The following IFI27L1 variants were observed in gnomAD, a reference collection of about 807,000 sequenced individuals.
The protein encoded by IFI27L1 is interferon alpha inducible protein 27 like 1, also known as interferon alpha-inducible protein 27-like protein 1.
In IFI27L1, 3 loss-of-function variants were observed where a neutral mutation model predicts 9.2. The observed-to-expected ratio is 0.32, with a 90% CI of 0.15 to 0.84. IFI27L1 has a LOEUF of 0.84. IFI27L1 is among the 40% of genes least tolerant of loss of function. The pLI, the probability that IFI27L1 is intolerant of heterozygous loss-of-function variation, is 0.56. For synonymous variants in IFI27L1, 53 were observed against 50.0 expected (o/e 1.06, Z -0.26); for missense variants, 133 against 134.2 (o/e 0.99, Z 0.05).
At chr14:94,100,320 A>G in intron 2 of IFI27L1, 1 of 985,342 alleles carries the variant, frequency 1.0e-6, no homozygotes, top group Non-Finnish European at 1.2e-6. Context: ...GAGGTGGCTG[A>G]GCTCTTTCTA....
intron 1 of IFI27L1, among the ~76,000 whole-genome samples, chr14:94,096,684 ACT>A (rs1886680788): frequency 7.2e-6 from 1 of 138,106 alleles, no homozygotes; most frequent in South Asian, 2.5e-4. Context: ...ACAGAGCGAG[ACT>A]CTGTCTCAGA....
intron 1 of IFI27L1, among the ~76,000 whole-genome samples, chr14:94,095,910 T>C (rs57934995): frequency 0.29 from 44,615 of 152,058 alleles, 6,914 homozygotes; most frequent in East Asian, 0.51. Flanking sequence ...TAGAGAACAA[T>C]GTTGCATTGT....
intron 1 of IFI27L1, among the ~76,000 whole-genome samples, chr14:94,087,673 G>A (rs955801964): frequency 1.1e-4 from 16 of 151,878 alleles, no homozygotes; most frequent in African/African-American, 3.4e-4. Context: ...TGATCTGCCC[G>A]CCTCGGCCTC....
At chr14:94,092,384 T>G (rs1886511826) in intron 1 of IFI27L1, among the ~76,000 whole-genome samples, 1 of 149,888 alleles carries the variant, frequency 6.7e-6, no homozygotes, top group Admixed American at 6.7e-5. Flanking sequence ...GGTGGTGCGC[T>G]TTTGTAATCC....
intron 1 of IFI27L1, among the ~76,000 whole-genome samples, chr14:94,090,769 C>G (rs1354711647): frequency 1.3e-5 from 2 of 152,172 alleles, no homozygotes; most frequent in Non-Finnish European, 2.9e-5. Context: ...CAGTCAAAGC[C>G]TTGGTAAAAT....
Position 94,102,682 on chromosome 14 carries a change from A to G in IFI27L1, c.*114A>G. 1.8e-6 allele frequency: 1 copy of G among 557,556 alleles called. No individual in the cohort carries two copies. Among genetic ancestry groups the G allele is most frequent in the East Asian group, 3.2e-5 (1 of 31,336 alleles). 34.5% of individuals were successfully genotyped at this position (557,556 alleles called of 1,614,324 possible). ...TACTCCCAAAACTATTTAAGGAAGC[A>G]TGAAAAATAAAGATGCTGGTTATCT... is the stretch of plus-strand genomic sequence containing the variant. On this transcript the variant is annotated 3_prime_UTR_variant, in exon 5 of 5. Coordinates refer to ENST00000555523, the MANE Select transcript of IFI27L1 (RefSeq NM_206949.3).
At chr14:94,102,136 G>A in intron 4 of IFI27L1, 161 bp downstream of exon 4, 1 of 748,652 alleles carries the variant, frequency 1.3e-6, no homozygotes, top group Non-Finnish European at 2.2e-6. Context: ...GGGACCAGGG[G>A]TGCAGCCTAA....
chr14:94,097,428 C>T lies in IFI27L1; in HGVS notation c.28+463C>T, dbSNP rs557669221. The stretch of plus-strand genomic sequence containing the variant: ...GTGCCTGAGAGCCCCTCCTTGGTGG[C>T]CTGCCTCCATTTTGTTAGGATTTGG... On this transcript the variant is annotated intron_variant, in intron 2 of 4. Transcript: ENST00000555523. 1.1e-4 allele frequency: 61 copies of T among 580,430 alleles called. 1 individual carries two copies. The Admixed American group carries it at 1.2e-3, about 12-fold the overall frequency. The allele number at this position is 580,430 out of a possible 1,614,324, so 36.0% of individuals were successfully genotyped here. A position where few individuals can be genotyped will look rare whatever the true frequency, so the allele number is the denominator to read the frequency against.
intron 1 of IFI27L1, among the ~76,000 whole-genome samples, chr14:94,084,999 GA>G (rs142875163): frequency 0.059 from 8,741 of 149,186 alleles, 405 homozygotes; most frequent in African/African-American, 0.12. Flanking sequence ...CTGTGTGGGG[GA>G]AAAAAAAAAG....
chr14:94,095,128 A>T (rs897981422), intron 1 of IFI27L1, among the ~76,000 whole-genome samples: 4 of 152,122 alleles, frequency 2.6e-5, no homozygotes, highest in African/African-American at 9.7e-5. Context: ...TCGACTTCCT[A>T]GGTACAAGCA....
At chr14:94,082,715 A>C (rs980951641) in intron 1 of IFI27L1, among the ~76,000 whole-genome samples, 3 of 152,382 alleles carry the variant, frequency 2.0e-5, no homozygotes, top group Middle Eastern at 3.4e-3. Context: ...AACTGTTCAT[A>C]GCATGGTTTA....
intron 1 of IFI27L1, chr14:94,094,839 G>A (rs1015092364): frequency 1.3e-5 from 2 of 152,052 alleles, no homozygotes; most frequent in Admixed American, 6.6e-5. Flanking sequence ...ATGAAAGGAC[G>A]ATATTGAGGA....
chr14:94,100,283 G>T (rs955944638), intron 2 of IFI27L1: 1 of 985,252 alleles, frequency 1.0e-6, no homozygotes, highest in Non-Finnish European at 1.2e-6. Flanking sequence ...CTGTTACTTG[G>T]CTGAGACCAA....
chr14:94,101,013 T>C, intron 3 of IFI27L1: 3 of 604,540 alleles, frequency 5.0e-6, no homozygotes, highest in Non-Finnish European at 8.8e-6. Context: ...GTACAAACCA[T>C]GCAACCCCGG....
At chr14:94,085,091 G>A (rs1886238645) in intron 1 of IFI27L1, among the ~76,000 whole-genome samples, 1 of 152,230 alleles carries the variant, frequency 6.6e-6, no homozygotes, top group Non-Finnish European at 1.5e-5. Context: ...GCCAGTGGCT[G>A]AAGTGGGAGT....
In IFI27L1 at chr14:94,096,930, G is replaced by A; in HGVS notation, c.-8G>A. On this transcript the variant is annotated 5_prime_UTR_variant, in exon 2 of 5. Transcript: ENST00000555523. ...GAGTGGAGGCTCACCGAGGCGAAGG[G>A]GCCAACCATGGGAAAGGAGAGTGGA... is the stretch of plus-strand genomic sequence containing the variant. The A allele has an allele frequency of 6.2e-7, 1 of 1,613,542 alleles. No homozygotes were observed. Among genetic ancestry groups the A allele is most frequent in the Non-Finnish European group, 8.5e-7 (1 of 1,179,678 alleles).
chr14:94,086,543 G>A (rs1490824059), intron 1 of IFI27L1, among the ~76,000 whole-genome samples: 1 of 152,082 alleles, frequency 6.6e-6, no homozygotes, highest in Non-Finnish European at 1.5e-5. Context: ...AGGACCTGAA[G>A]CTTACATAAT....
At chr14:94,081,901 C>T (rs1886119827) in intron 1 of IFI27L1, among the ~76,000 whole-genome samples, 1 of 152,188 alleles carries the variant, frequency 6.6e-6, no homozygotes, top group South Asian at 2.1e-4. Context: ...CAATTAATAA[C>T]CCTACAATGG....
At chr14:94,089,014 GTTTTGTTA>G (rs1886378228) in intron 1 of IFI27L1, 1 of 151,966 alleles carries the variant, frequency 6.6e-6, no homozygotes, top group African/African-American at 2.4e-5. Context: ...TTTTTTGTTT[GTTTTGTTA>G]TTTTGTTATT....
Sources: gnomAD v4.1 joint callset for allele counts (sites outside exome capture counted in the v4.1 genomes callset) on GRCh38, gnomAD v4.1.1 for gene constraint, MANE v1.5 for transcripts, NCBI Gene and HGNC (gene_info 2026-07-23, HGNC 2026-07-21) for gene names.